The following ZNF362 variants were observed in gnomAD, a reference collection of about 807,000 sequenced individuals.
ZNF362 encodes rotund homolog.
Under a neutral mutation model 42.9 loss-of-function variants are expected in ZNF362, and 11 were observed. That is an observed-to-expected ratio of 0.26 (90% CI 0.16 to 0.42). The LOEUF (loss-of-function observed/expected upper bound fraction) is 0.42. Among genes scored for constraint, ZNF362 ranks in the 20% least tolerant of loss-of-function variants. The probability of loss-of-function intolerance (pLI) is 1.00; values close to 1 mark genes in which losing one functional copy is unlikely to be tolerated. For synonymous variants in ZNF362, 255 were observed against 257.3 expected (o/e 0.99, Z 0.09); for missense variants, 362 against 576.2 (o/e 0.63, Z 3.81).
the ZNF362 span, among the ~76,000 whole-genome samples, chr1:33,197,748 G>T: frequency 6.6e-6 from 1 of 152,244 alleles, no homozygotes; most frequent in South Asian, 2.1e-4. Flanking sequence ...AGAGTTTGCC[G>T]GGCAGAGTCC....
the ZNF362 span, among the ~76,000 whole-genome samples, chr1:33,205,145 G>A: frequency 1.2e-4 from 18 of 152,234 alleles, no homozygotes; most frequent in East Asian, 2.9e-3. Context: ...TTGTGTGTGT[G>A]TGTGTGTATT....
At chr1:33,220,525 C>G in the ZNF362 span, among the ~76,000 whole-genome samples, 1 of 152,086 alleles carries the variant, frequency 6.6e-6, no homozygotes, top group Non-Finnish European at 1.5e-5. Context: ...ACCCACCCCC[C>G]TACAGTCATG....
At chr1:33,138,413 A>G in the ZNF362 span, among the ~76,000 whole-genome samples, 40 of 152,170 alleles carry the variant, frequency 2.6e-4, no homozygotes, top group African/African-American at 9.7e-4. Flanking sequence ...TGTAATCCCA[A>G]CACTTTAAGA....
At chr1:33,128,832 G>C in the ZNF362 span, among the ~76,000 whole-genome samples, 1 of 152,208 alleles carries the variant, frequency 6.6e-6, no homozygotes, top group Non-Finnish European at 1.5e-5. Flanking sequence ...CAGTAGAAAT[G>C]AACTTCTGAA....
chr1:33,237,954 A>G, the ZNF362 span, among the ~76,000 whole-genome samples: 71 of 152,330 alleles, frequency 4.7e-4, no homozygotes, highest in African/African-American at 1.7e-3. Context: ...CACAGGATTG[A>G]TAGTTGTGAC....
At chr1:33,141,407 C>G in the ZNF362 span, among the ~76,000 whole-genome samples, 1 of 152,224 alleles carries the variant, frequency 6.6e-6, no homozygotes, top group African/African-American at 2.4e-5. Context: ...CTCATCTCAG[C>G]TCCACCATAT....
At chr1:33,179,022 T>C in the ZNF362 span, among the ~76,000 whole-genome samples, 7 of 152,362 alleles carry the variant, frequency 4.6e-5, no homozygotes, top group African/African-American at 1.7e-4. Context: ...CCTATAGCCC[T>C]GGCTCTCTCA....
the ZNF362 span, chr1:33,159,582 T>G: frequency 7.0e-7 from 1 of 1,424,182 alleles, no homozygotes; most frequent in Admixed American, 2.5e-5. This position sits in a 1 kb window ranked among gnomAD's most constrained non-coding sequence, Gnocchi z 4.2. Flanking sequence ...AAGATTTGAA[T>G]GAAAGAATTC....
the ZNF362 span, among the ~76,000 whole-genome samples, chr1:33,227,522 C>T: frequency 2.0e-5 from 3 of 152,174 alleles, no homozygotes; most frequent in South Asian, 2.1e-4. Context: ...AGGAGCCAGA[C>T]GTGTGAGTGA....
chr1:33,165,440 G>A, the ZNF362 span: 2 of 1,542,198 alleles, frequency 1.3e-6, no homozygotes, highest in African/African-American at 1.4e-5. The surrounding 1 kb of genome is among the most constrained non-coding windows in gnomAD (Gnocchi z 4.0). Flanking sequence ...CATCTCTGCC[G>A]GCCCCACCTC....
chr1:33,193,004 C>CACACACACATATATATATAT, the ZNF362 span, among the ~76,000 whole-genome samples: 109 of 137,274 alleles, frequency 7.9e-4, 1 homozygote, highest in East Asian at 1.3e-3. Context: ...CACACACACA[C>CACACACACATATATATATAT]ATATATATAT....
rs35161004 is a variant in ZNF362 at position 33,299,334 on chromosome 1, G to GT, written c.*301dup. 1,737 of 153,978 alleles carry GT rather than the reference G, an allele frequency of 0.011. 4 individuals are homozygous for GT. The highest frequency in any genetic ancestry group is 0.021 in the East Asian group (137 of 6,552). The allele number at this position is 153,978 out of a possible 1,614,324, so 9.5% of individuals were successfully genotyped here. On this transcript the variant is annotated 3_prime_UTR_variant, in exon 9 of 9. Transcript: ENST00000539719. ...TTCCCCACCCTTCACTTGCTTCACT[G>GT]TTTTTTTTTTTTTCGTTTTTTTTTT...
intron 8 of ZNF362, among the ~76,000 whole-genome samples, chr1:33,298,418 C>T (rs929102989): frequency 6.6e-6 from 1 of 152,232 alleles, no homozygotes; most frequent in Non-Finnish European, 1.5e-5. Flanking sequence ...ATGCTAAGGG[C>T]TTGATCTTTG....
chr1:33,268,539 A>C (rs1313199541), intron 1 of ZNF362, among the ~76,000 whole-genome samples: 22 of 152,190 alleles, frequency 1.4e-4, no homozygotes, highest in Non-Finnish European at 5.9e-5. Flanking sequence ...AGCAGAGAGG[A>C]GAGCACACAG....
intron 6 of ZNF362, among the ~76,000 whole-genome samples, chr1:33,293,109 G>A (rs1407537648): frequency 2.6e-5 from 4 of 152,220 alleles, no homozygotes; most frequent in African/African-American, 9.6e-5. Context: ...GGTTGGCTCT[G>A]TGGTGAGGAA....
chr1:33,170,936 G>A, the ZNF362 span, among the ~76,000 whole-genome samples: 3 of 152,294 alleles, frequency 2.0e-5, no homozygotes, highest in South Asian at 2.1e-4. Context: ...CTGGGTGCTC[G>A]GGAGACAGAG....
At chr1:33,200,148 G>A in the ZNF362 span, 1 of 152,222 alleles carries the variant, frequency 6.6e-6, no homozygotes, top group African/African-American at 2.4e-5. Flanking sequence ...TGTTTGTGAG[G>A]TGGTGTACTA....
At chr1:33,295,108 G>A (rs758308435) in intron 7 of ZNF362, 39 bp from the exon 8 acceptor site, 4 of 1,613,128 alleles carry the variant, frequency 2.5e-6, no homozygotes, top group South Asian at 2.2e-5. Flanking sequence ...GGGTGAGGGA[G>A]CCCTGTTCCT....
intron 4 of ZNF362, 33 bp downstream of exon 4, chr1:33,276,627 T>C (rs4475712): frequency 1 from 1,308,735 of 1,311,260 alleles, 653,123 homozygotes; most frequent in Non-Finnish European, 1. Context: ...GCGGGGCCGG[T>C]GAGGACTGGG....
Sources: allele counts gnomAD v4.1 joint callset (sites outside exome capture counted in the v4.1 genomes callset), GRCh38; gene constraint gnomAD v4.1.1; non-coding constraint Gnocchi (gnomAD v3.1); transcripts MANE v1.5; gene names NCBI Gene and HGNC (gene_info 2026-07-23, HGNC 2026-07-21).